SPOCK1: variants seen among roughly 807,000 people sequenced by gnomAD.
The protein encoded by SPOCK1 is SPARC (osteonectin), cwcv and kazal like domains proteoglycan 1, also known as testican-1.
Under a neutral mutation model 55.3 loss-of-function variants are expected in SPOCK1, and 23 were observed. The ratio of observed to expected loss-of-function variants is 0.42; its 90% CI spans 0.30 to 0.59. The LOEUF is 0.59. SPOCK1 is among the 20% of genes least tolerant of loss of function. The pLI, the probability that SPOCK1 is intolerant of heterozygous loss-of-function variation, is 0.22. For synonymous variants in SPOCK1, 226 were observed against 221.0 expected (o/e 1.02, Z -0.20); for missense variants, 499 against 552.5 (o/e 0.90, Z 0.97).
chr5:137,400,108 C>T (rs965658084), intron 2 of SPOCK1, among the ~76,000 whole-genome samples: 4 of 152,192 alleles, frequency 2.6e-5, no homozygotes, highest in East Asian at 1.9e-4. Context: ...CACACATGGG[C>T]GTTAAGTTAA....
At chr5:137,178,090 C>T (rs1159118751) in intron 3 of SPOCK1, among the ~76,000 whole-genome samples, 1 of 152,166 alleles carries the variant, frequency 6.6e-6, no homozygotes, top group Non-Finnish European at 1.5e-5. Flanking sequence ...ACCCCTAGCC[C>T]ATCTCACCAT....
chr5:137,120,818 G>A (rs552296870), intron 4 of SPOCK1, among the ~76,000 whole-genome samples: 80 of 152,262 alleles, frequency 5.3e-4, no homozygotes, highest in African/African-American at 1.6e-3. Flanking sequence ...ACACCTGCCC[G>A]CCAGTCTCGC....
chr5:137,228,026 A>G (rs1243735482), intron 3 of SPOCK1, among the ~76,000 whole-genome samples: 3 of 152,190 alleles, frequency 2.0e-5, no homozygotes, highest in African/African-American at 7.2e-5. Context: ...AGTAAACCAA[A>G]CCTGTTTTCT....
intron 4 of SPOCK1, among the ~76,000 whole-genome samples, chr5:137,131,971 CAAA>C (rs1156253291): frequency 0.028 from 349 of 12,646 alleles, 3 homozygotes; most frequent in Non-Finnish European, 0.035. Context: ...GACTCCGTCT[CAAA>C]AAAAAAAAAA....
intron 3 of SPOCK1, among the ~76,000 whole-genome samples, chr5:137,245,351 T>A (rs548293615): frequency 6.6e-6 from 1 of 152,344 alleles, no homozygotes; most frequent in South Asian, 2.1e-4. Flanking sequence ...TGTAAGTGTA[T>A]CTTTCTATGA....
chr5:137,283,905 G>A (rs1200265181), intron 2 of SPOCK1, among the ~76,000 whole-genome samples: 2 of 152,170 alleles, frequency 1.3e-5, no homozygotes, highest in African/African-American at 2.4e-5. Flanking sequence ...TCCTAGAGGA[G>A]GTAATGGTAC....
chr5:137,141,727 C>T (rs561606567), intron 3 of SPOCK1, among the ~76,000 whole-genome samples: 41 of 152,262 alleles, frequency 2.7e-4, no homozygotes, highest in African/African-American at 9.6e-4. Context: ...AAAATGCAAT[C>T]CAGTCAGAGT....
chr5:137,329,595 C>A (rs561967715), intron 2 of SPOCK1, among the ~76,000 whole-genome samples: 10 of 152,054 alleles, frequency 6.6e-5, no homozygotes, highest in Non-Finnish European at 4.4e-5. Flanking sequence ...CCTAAAAAAG[C>A]ACTGCTGTGA....
chr5:137,303,751 T>C (rs1757647299), intron 2 of SPOCK1, among the ~76,000 whole-genome samples: 1 of 152,058 alleles, frequency 6.6e-6, no homozygotes. Flanking sequence ...CTGAAGCAGG[T>C]GGTGAGGACA....
At chr5:137,183,278 C>T (rs1755004996) in intron 3 of SPOCK1, among the ~76,000 whole-genome samples, 1 of 152,124 alleles carries the variant, frequency 6.6e-6, no homozygotes, top group Admixed American at 6.5e-5. Flanking sequence ...TATGAAGCAA[C>T]ATGCATGGGG....
chr5:137,351,749 T>G (rs1750685952), intron 2 of SPOCK1, among the ~76,000 whole-genome samples: 1 of 152,234 alleles, frequency 6.6e-6, no homozygotes, highest in Admixed American at 6.5e-5. Flanking sequence ...TCATGCATCC[T>G]TTAAGATAGC....
intron 2 of SPOCK1, among the ~76,000 whole-genome samples, chr5:137,396,620 T>C (rs181255233): frequency 6.6e-6 from 1 of 152,350 alleles, no homozygotes; most frequent in Admixed American, 6.5e-5. Context: ...TAGGTTGTGA[T>C]TAGGGGAAGG....
intron 5 of SPOCK1, among the ~76,000 whole-genome samples, chr5:137,096,856 G>A (rs1043771107): frequency 6.6e-6 from 1 of 152,120 alleles, no homozygotes; most frequent in African/African-American, 2.4e-5. Context: ...AGTGGCTTTT[G>A]CAGTGTGGAG....
At chr5:137,084,857 G>A (rs1339863248) in intron 5 of SPOCK1, among the ~76,000 whole-genome samples, 1 of 149,222 alleles carries the variant, frequency 6.7e-6, no homozygotes, top group Non-Finnish European at 1.5e-5. Flanking sequence ...CACTCCAAAT[G>A]CTTTTCCTCG....
intron 3 of SPOCK1, among the ~76,000 whole-genome samples, chr5:137,258,980 G>A (rs1006693517): frequency 1.3e-5 from 2 of 152,170 alleles, no homozygotes; most frequent in Admixed American, 1.3e-4. Flanking sequence ...CCAGCACTCA[G>A]TGAGGAAATG....
At chr5:137,115,216 A>T (rs1753555232) in intron 4 of SPOCK1, among the ~76,000 whole-genome samples, 1 of 152,104 alleles carries the variant, frequency 6.6e-6, no homozygotes, top group South Asian at 2.1e-4. Context: ...TGACCACTGC[A>T]GTGGTATCTC....
chr5:137,306,291 C>T (rs1332574537), intron 2 of SPOCK1, among the ~76,000 whole-genome samples: 1 of 152,200 alleles, frequency 6.6e-6, no homozygotes, highest in African/African-American at 2.4e-5. Flanking sequence ...GTTTGGTGCT[C>T]GTTGCTGCCT....
At chr5:137,475,314 G>C (rs547219774) in intron 2 of SPOCK1, among the ~76,000 whole-genome samples, 1 of 152,206 alleles carries the variant, frequency 6.6e-6, no homozygotes, top group East Asian at 1.9e-4. Context: ...AATGGTAGCA[G>C]TACTCTTCTC....
chr5:137,374,223 G>A (rs968163744), intron 2 of SPOCK1, among the ~76,000 whole-genome samples: 1 of 152,258 alleles, frequency 6.6e-6, no homozygotes, highest in African/African-American at 2.4e-5. Context: ...TTGGCTGGAA[G>A]CCAGGGTAGA....
Sources: allele counts gnomAD v4.1 joint callset (sites outside exome capture counted in the v4.1 genomes callset), GRCh38; gene constraint gnomAD v4.1.1; transcripts MANE v1.5; gene names NCBI Gene and HGNC (gene_info 2026-07-23, HGNC 2026-07-21).